LRRC4C: variants seen among roughly 807,000 people sequenced by gnomAD.
The protein encoded by LRRC4C is leucine-rich repeat-containing protein 4C.
LRRC4C carries 5 observed loss-of-function variants against 33.6 expected under a neutral mutation model. That is an observed-to-expected ratio of 0.15 (90% CI 0.08 to 0.31). The LOEUF (loss-of-function observed/expected upper bound fraction) is 0.31. Among genes scored for constraint, LRRC4C ranks in the 10% least tolerant of loss-of-function variants. The probability of loss-of-function intolerance (pLI) is 1.00; values close to 1 mark genes in which losing one functional copy is unlikely to be tolerated. For synonymous variants in LRRC4C, 329 were observed against 302.0 expected, an observed-to-expected ratio of 1.09 and a Z score of -0.93; for missense variants, 560 against 796.7, an observed-to-expected ratio of 0.70 and a Z score of 3.58.
At chr11:40,433,708 A>T (rs1398092121) in intron 3 of LRRC4C, among the ~76,000 whole-genome samples, 1 of 152,180 alleles carries the variant, frequency 6.6e-6, no homozygotes, top group Non-Finnish European at 1.5e-5. Flanking sequence ...ATGTAAGTCG[A>T]TGATATTTAT....
In LRRC4C at chr11:40,569,609, T is replaced by G. The variant is rs189124743; in HGVS notation, c.-270+78533A>C. 8.8e-4 allele frequency among the ~76,000 whole-genome samples: 134 copies of G among 152,258 alleles called. 3 individuals carry two copies. The highest frequency in any genetic ancestry group is 3.1e-3 in the African/African-American group (130 of 41,560). On this transcript the variant is annotated intron_variant, in intron 3 of 6. Transcript: ENST00000528697. ...TAATTAAAGTGTCATCCAGTTTTTT[T>G]GGACTATAAAATGCGACTAGCACTG...
intron 5 of LRRC4C, among the ~76,000 whole-genome samples, chr11:40,160,759 T>C (rs1299164843): frequency 6.6e-6 from 1 of 152,214 alleles, no homozygotes; most frequent in Non-Finnish European, 1.5e-5. Context: ...TGTTGTCAAC[T>C]GAAGATGGTA....
At chr11:40,947,583 G>A (rs1958462614) in intron 1 of LRRC4C, among the ~76,000 whole-genome samples, 1 of 151,654 alleles carries the variant, frequency 6.6e-6, no homozygotes, top group African/African-American at 2.4e-5. Context: ...CTCTTCTTAT[G>A]GTGTTTTTCT....
intron 2 of LRRC4C, among the ~76,000 whole-genome samples, chr11:40,805,562 C>T (rs1320365062): frequency 6.6e-6 from 1 of 151,806 alleles, no homozygotes; most frequent in Non-Finnish European, 1.5e-5. Flanking sequence ...ATAAATTAAC[C>T]CTGGGTGTAC....
rs140662603 is a variant in LRRC4C, at chr11:40,512,575, C to G, written c.-270+135567G>C. Reference sequence around the variant, plus strand: ...ACCAAAGTCACAACCACAGGCATGACTGAGACACTGGGAGAGCTGGGCCTC... The same window carrying G: ...ACCAAAGTCACAACCACAGGCATGAGTGAGACACTGGGAGAGCTGGGCCTC... On this transcript the variant is annotated intron_variant, in intron 3 of 6. Coordinates refer to ENST00000528697, the MANE Select transcript of LRRC4C (RefSeq NM_001258419.2). Among the ~76,000 whole-genome samples the G allele has an allele frequency of 1.6e-3, 239 of 152,262 alleles. 1 individual carries two copies. Among genetic ancestry groups the G allele is most frequent in the African/African-American group, 5.6e-3 (232 of 41,556 alleles).
chr11:40,306,031 G>T (rs1383176914), intron 4 of LRRC4C, among the ~76,000 whole-genome samples: 1 of 152,176 alleles, frequency 6.6e-6, no homozygotes, highest in Non-Finnish European at 1.5e-5. Context: ...CAACGAAACA[G>T]AACTTCGGCC....
intron 2 of LRRC4C, among the ~76,000 whole-genome samples, chr11:40,677,066 G>A (rs1944440835): frequency 6.6e-6 from 1 of 152,050 alleles, no homozygotes; most frequent in African/African-American, 2.4e-5. Flanking sequence ...CTAGAAAAGA[G>A]GTTTTAAATT....
intron 1 of LRRC4C, among the ~76,000 whole-genome samples, chr11:41,069,588 T>C (rs902630810): frequency 6.6e-6 from 1 of 152,158 alleles, no homozygotes; most frequent in South Asian, 2.1e-4. Flanking sequence ...ATGAAATCAA[T>C]GTGCAAAAAT....
intron 2 of LRRC4C, among the ~76,000 whole-genome samples, chr11:40,818,508 T>G (rs901126855): frequency 7.2e-5 from 11 of 152,120 alleles, no homozygotes; most frequent in African/African-American, 2.7e-4. Context: ...TAAAGTGCTA[T>G]TATCATCATA....
intron 1 of LRRC4C, among the ~76,000 whole-genome samples, chr11:41,081,000 C>T (rs1236258105): frequency 6.6e-6 from 1 of 152,134 alleles, no homozygotes; most frequent in East Asian, 1.9e-4. Flanking sequence ...GGTTCAGTTT[C>T]ATTTTCTGAG....
intron 1 of LRRC4C, among the ~76,000 whole-genome samples, chr11:41,218,919 C>T (rs1243397708): frequency 2.6e-5 from 4 of 151,912 alleles, no homozygotes; most frequent in Non-Finnish European, 5.9e-5. Flanking sequence ...AGGCGCCTGC[C>T]ACCACGCCCG....
chr11:41,006,354 G>A (rs1240094707), intron 1 of LRRC4C, among the ~76,000 whole-genome samples: 3 of 152,178 alleles, frequency 2.0e-5, no homozygotes, highest in Non-Finnish European at 4.4e-5. Context: ...TGAGCTGGCT[G>A]TCAGAGTTGC....
intron 3 of LRRC4C, among the ~76,000 whole-genome samples, chr11:40,565,802 T>C (rs908298777): frequency 6.6e-6 from 1 of 152,140 alleles, no homozygotes; most frequent in Non-Finnish European, 1.5e-5. Flanking sequence ...CATAAAATTC[T>C]GGCTTGTATA....
chr11:40,189,500 A>G (rs1861662009), intron 5 of LRRC4C, among the ~76,000 whole-genome samples: 1 of 152,180 alleles, frequency 6.6e-6, no homozygotes, highest in African/African-American at 2.4e-5. Flanking sequence ...GAAAAGCAGC[A>G]TCATGATCCC....
At chr11:41,426,255 T>G (rs1349996160) in intron 1 of LRRC4C, 1 of 152,204 alleles carries the variant, frequency 6.6e-6, no homozygotes, top group Admixed American at 6.6e-5. Context: ...CCACAGCTTC[T>G]AACATAAACT....
intron 2 of LRRC4C, among the ~76,000 whole-genome samples, chr11:40,888,246 A>G (rs1490285345): frequency 6.6e-6 from 1 of 151,952 alleles, no homozygotes; most frequent in Non-Finnish European, 1.5e-5. Context: ...AGATATAAAC[A>G]TACATGAAAT....
chr11:40,180,600 A>G (rs994569125), intron 5 of LRRC4C, among the ~76,000 whole-genome samples: 8 of 152,096 alleles, frequency 5.3e-5, no homozygotes, highest in Admixed American at 6.6e-5. Flanking sequence ...CTAGCCCCCA[A>G]TTTTATCACA....
At position 40,463,968 on chromosome 11, in the gene LRRC4C, C is replaced by T. The variant is rs370259528; in HGVS notation, c.-269-144247G>A. On this transcript the variant is annotated intron_variant, in intron 3 of 6. Coordinates refer to ENST00000528697, the MANE Select transcript of LRRC4C (RefSeq NM_001258419.2). Reference sequence around the variant, plus strand: ...ACTCTGAGAATATGGAGGGAATTATCCCTAACTCATTCTGCATGCCCAGAA... The same window carrying T: ...ACTCTGAGAATATGGAGGGAATTATTCCTAACTCATTCTGCATGCCCAGAA... 3.6e-4 allele frequency among the ~76,000 whole-genome samples: 55 copies of T among 152,094 alleles called. 1 individual carries two copies. In the South Asian group the frequency reaches 0.011, roughly 31 times the overall value.
chr11:41,238,273 T>C (rs1261935651), intron 1 of LRRC4C, among the ~76,000 whole-genome samples: 3 of 152,204 alleles, frequency 2.0e-5, no homozygotes, highest in Non-Finnish European at 4.4e-5. Flanking sequence ...TTTACCTCTT[T>C]AGGCTAACCA....
Sources: gnomAD v4.1 joint callset for allele counts (sites outside exome capture counted in the v4.1 genomes callset) on GRCh38, gnomAD v4.1.1 for gene constraint, MANE v1.5 for transcripts, NCBI Gene and HGNC (gene_info 2026-07-23, HGNC 2026-07-21) for gene names.